Variants in HSD17B11 observed in about 807,000 individuals in gnomAD.
The protein encoded by HSD17B11 is estradiol 17-beta-dehydrogenase 11.
A neutral mutation model predicts 27.8 loss-of-function variants in HSD17B11; 22 were observed. The ratio of observed to expected loss-of-function variants is 0.79; its 90% CI spans 0.56 to 1.13. The LOEUF (loss-of-function observed/expected upper bound fraction) is 1.13, where lower values mean the gene tolerates loss of function less well. HSD17B11 is among the 50% of genes most tolerant of loss of function. The probability of loss-of-function intolerance (pLI) is 0.00; values close to 1 mark genes in which losing one functional copy is unlikely to be tolerated. For missense variants in HSD17B11, 314 were observed against 351.1 expected (o/e 0.89, Z 0.84); for synonymous variants, 117 against 132.8 (o/e 0.88, Z 0.82).
chr4:87,371,734 A>G (rs1319973098), intron 4 of HSD17B11, among the ~76,000 whole-genome samples: 1 of 152,234 alleles, frequency 6.6e-6, no homozygotes, highest in Non-Finnish European at 1.5e-5. Context: ...TCAGATGCTG[A>G]GCAAAAACCA....
At chr4:87,380,310 TAAA>T (rs1331056726) in intron 2 of HSD17B11, among the ~76,000 whole-genome samples, 1 of 147,790 alleles carries the variant, frequency 6.8e-6, no homozygotes, top group African/African-American at 2.5e-5. Context: ...CCGTCTCTAC[TAAA>T]AATACAAAAA....
chr4:87,377,632 G>A (rs1337313539), intron 2 of HSD17B11, among the ~76,000 whole-genome samples: 1 of 152,078 alleles, frequency 6.6e-6, no homozygotes, highest in African/African-American at 2.4e-5. Context: ...TAATTCCAAG[G>A]GGTAGCAATG....
At chr4:87,380,207 A>C (rs781109811) in intron 2 of HSD17B11, among the ~76,000 whole-genome samples, 1 of 151,200 alleles carries the variant, frequency 6.6e-6, no homozygotes, top group African/African-American at 2.4e-5. Context: ...TTTCATTATT[A>C]AGAAATATAC....
chr4:87,379,803 C>G (rs930980040), intron 2 of HSD17B11, among the ~76,000 whole-genome samples: 1 of 139,966 alleles, frequency 7.1e-6, no homozygotes, highest in Admixed American at 7.3e-5. Flanking sequence ...GTATAATATA[C>G]TATAGTATTA....
rs1398058694 is a variant in HSD17B11, at chr4:87,378,842, AT to A, written c.318+3412del. 5.9e-3 allele frequency among the ~76,000 whole-genome samples: 172 copies of A among 29,094 alleles called. 44 individuals are homozygous for A. The highest frequency in any genetic ancestry group is 0.031 in the African/African-American group (165 of 5,358). 19.1% of individuals were successfully genotyped at this position (29,094 alleles called of 152,430 possible). On this transcript the variant is annotated intron_variant, in intron 2 of 6. Transcript: ENST00000358290. ...AAAATATATATATAAATATATATAT[AT>A]AAATATATATATAAATATATATAAA...
intron 4 of HSD17B11, among the ~76,000 whole-genome samples, chr4:87,362,776 T>C (rs868689933): frequency 2.0e-5 from 3 of 152,112 alleles, no homozygotes; most frequent in Non-Finnish European, 2.9e-5. Flanking sequence ...GCTGACAGGA[T>C]TGCTGAAAAA....
At position 87,363,751 on chromosome 4, in the gene HSD17B11, C is replaced by G. The variant is rs60597105; in HGVS notation, c.558-6335G>C. ...AGAAAAGAAATAGACACTGCCCAGA[C>G]CTGTAGCTCAGTAGCTAAGGTTTTG... On this transcript the variant is annotated intron_variant, in intron 4 of 6. Transcript: ENST00000358290. 6.6e-5 allele frequency among the ~76,000 whole-genome samples: 10 copies of G among 152,200 alleles called. No individual in the cohort carries two copies. The South Asian group carries it at 2.1e-3, about 32-fold the overall frequency.
chr4:87,379,916 T>C (rs1720088345), intron 2 of HSD17B11, among the ~76,000 whole-genome samples: 1 of 145,456 alleles, frequency 6.9e-6, no homozygotes, highest in Non-Finnish European at 1.5e-5. Context: ...CATATTATAT[T>C]ATATATTTAT....
chr4:87,338,930 A>C (rs748096946), intron 6 of HSD17B11, among the ~76,000 whole-genome samples: 2 of 152,242 alleles, frequency 1.3e-5, no homozygotes, highest in African/African-American at 2.4e-5. Flanking sequence ...ACTGAACTTC[A>C]GATAAGTTAA....
At chr4:87,378,915 TATAA>T (rs1369901815) in intron 2 of HSD17B11, among the ~76,000 whole-genome samples, 3 of 14,100 alleles carry the variant, frequency 2.1e-4, no homozygotes, top group African/African-American at 5.2e-4. Context: ...AATATATATA[TATAA>T]ATATATATAA....
intron 4 of HSD17B11, among the ~76,000 whole-genome samples, chr4:87,369,170 G>A (rs2110123234): frequency 6.6e-6 from 1 of 152,190 alleles, no homozygotes; most frequent in East Asian, 1.9e-4. Flanking sequence ...TTTTACTTAA[G>A]TGACCAAAAA....
intron 5 of HSD17B11, among the ~76,000 whole-genome samples, chr4:87,341,667 C>T (rs546679914): frequency 6.6e-6 from 1 of 152,024 alleles, no homozygotes; most frequent in Non-Finnish European, 1.5e-5. Flanking sequence ...TCGAGATCAG[C>T]CTAGCCATCA....
chr4:87,378,871 T>TTA (rs1720013987), intron 2 of HSD17B11, among the ~76,000 whole-genome samples: 1 of 26,188 alleles, frequency 3.8e-5, no homozygotes, highest in African/African-American at 3.7e-4. Flanking sequence ...TATATAAATA[T>TTA]ATATATATAA....
At chr4:87,383,248 A>G (rs1720219921) in intron 1 of HSD17B11, among the ~76,000 whole-genome samples, 1 of 152,100 alleles carries the variant, frequency 6.6e-6, no homozygotes, top group Admixed American at 6.5e-5. Flanking sequence ...CACATGTCAT[A>G]TTAAGATTTA....
intron 5 of HSD17B11, among the ~76,000 whole-genome samples, chr4:87,341,864 T>G (rs959920730): frequency 1.3e-5 from 2 of 149,144 alleles, no homozygotes; most frequent in South Asian, 4.2e-4. Flanking sequence ...AGACCCTGTC[T>G]CTAAATAAAT....
chr4:87,342,236 G>T (rs1264560541), intron 5 of HSD17B11, among the ~76,000 whole-genome samples: 1 of 151,912 alleles, frequency 6.6e-6, no homozygotes. Context: ...TACAAAATTA[G>T]CCAGGCATGA....
intron 1 of HSD17B11, among the ~76,000 whole-genome samples, chr4:87,386,502 C>T (rs112308984): frequency 6.8e-4 from 104 of 152,184 alleles, no homozygotes; most frequent in Admixed American, 1.1e-3. Context: ...TGCACCCGGC[C>T]GGTGCAACAA....
chr4:87,357,891 T>G (rs114973406), intron 4 of HSD17B11, among the ~76,000 whole-genome samples: 2,161 of 151,670 alleles, frequency 0.014, 47 homozygotes, highest in African/African-American at 0.05. Context: ...ATATAGTAAT[T>G]TTCAGTTTTC....
intron 5 of HSD17B11, among the ~76,000 whole-genome samples, chr4:87,341,802 G>A (rs1421293027): frequency 1.3e-5 from 2 of 152,034 alleles, no homozygotes; most frequent in Non-Finnish European, 1.5e-5. Context: ...GGAGGCTGAG[G>A]CTGCAGTGGG....
Sources: gnomAD v4.1 joint callset for allele counts (sites outside exome capture counted in the v4.1 genomes callset) on GRCh38, gnomAD v4.1.1 for gene constraint, MANE v1.5 for transcripts, NCBI Gene and HGNC (gene_info 2026-07-23, HGNC 2026-07-21) for gene names.